Variants in ADAMTS3 observed in about 807,000 individuals in gnomAD.
ADAMTS3 encodes ADAM metallopeptidase with thrombospondin type 1 motif 3, also known as A disintegrin and metalloproteinase with thrombospondin motifs 3.
In ADAMTS3, 73 loss-of-function variants were observed where a neutral mutation model predicts 129.0. The observed-to-expected ratio is 0.57, with a 90% CI of 0.47 to 0.69. The LOEUF (loss-of-function observed/expected upper bound fraction) is 0.69. Ranked by LOEUF, ADAMTS3 falls within the 30% of genes least tolerant of loss-of-function variation. ADAMTS3 has a pLI of 0.00. For synonymous variants in ADAMTS3, 477 were observed against 510.8 expected, an observed-to-expected ratio of 0.93 and a Z score of 0.89; for missense variants, 1,457 against 1,514.5, an observed-to-expected ratio of 0.96 and a Z score of 0.63.
At chr4:72,359,011 A>G (rs556569908) in intron 4 of ADAMTS3, among the ~76,000 whole-genome samples, 1 of 152,108 alleles carries the variant, frequency 6.6e-6, no homozygotes, top group Non-Finnish European at 1.5e-5. Context: ...AAACATAAAC[A>G]AAACAAAGAA....
intron 4 of ADAMTS3, among the ~76,000 whole-genome samples, chr4:72,379,047 T>C (rs1168541523): frequency 6.6e-6 from 1 of 152,134 alleles, no homozygotes; most frequent in African/African-American, 2.4e-5. Context: ...CTGCTTACTC[T>C]CTTCTAGGCC....
chr4:72,315,175 C>T (rs1453920124), intron 11 of ADAMTS3, among the ~76,000 whole-genome samples: 1 of 152,218 alleles, frequency 6.6e-6, no homozygotes, highest in Non-Finnish European at 1.5e-5. Context: ...AATCAGATCC[C>T]ACTACCAGGG....
chr4:72,398,319 G>A (rs1390472258), intron 4 of ADAMTS3, among the ~76,000 whole-genome samples: 4 of 152,128 alleles, frequency 2.6e-5, no homozygotes, highest in African/African-American at 9.7e-5. Flanking sequence ...CACTTTGGGA[G>A]GCCAAGGCAG....
intron 4 of ADAMTS3, among the ~76,000 whole-genome samples, chr4:72,397,967 G>A (rs747044036): frequency 1.3e-5 from 2 of 152,056 alleles, no homozygotes; most frequent in Admixed American, 6.6e-5. Flanking sequence ...CTGCATTGTA[G>A]AAGAAGGAGA....
chr4:72,430,522 A>G (rs1224335311), intron 3 of ADAMTS3, among the ~76,000 whole-genome samples: 1 of 151,988 alleles, frequency 6.6e-6, no homozygotes, highest in Non-Finnish European at 1.5e-5. Flanking sequence ...CAGTCAGTTG[A>G]GCATTCCCAG....
At chr4:72,443,584 G>A (rs1191579985) in intron 3 of ADAMTS3, among the ~76,000 whole-genome samples, 1 of 151,446 alleles carries the variant, frequency 6.6e-6, no homozygotes, top group East Asian at 2.0e-4. Context: ...CTTGTTCACA[G>A]TTAGTTCATC....
chr4:72,364,040 T>G (rs1299413185), intron 4 of ADAMTS3, among the ~76,000 whole-genome samples: 1 of 152,082 alleles, frequency 6.6e-6, no homozygotes, highest in Non-Finnish European at 1.5e-5. Flanking sequence ...ACACATTATT[T>G]TGCATAAGTA....
At chr4:72,381,810 G>A (rs992528188) in intron 4 of ADAMTS3, among the ~76,000 whole-genome samples, 1 of 152,146 alleles carries the variant, frequency 6.6e-6, no homozygotes, top group African/African-American at 2.4e-5. Flanking sequence ...ACCACTTTCT[G>A]AGTTGTCTGG....
chr4:72,505,175 T>C (rs1456120603), intron 3 of ADAMTS3, among the ~76,000 whole-genome samples: 1 of 152,206 alleles, frequency 6.6e-6, no homozygotes, highest in Non-Finnish European at 1.5e-5. Context: ...TCCTTATCAT[T>C]TGGAGATGCT....
chr4:72,406,112 T>C (rs79278444), intron 4 of ADAMTS3, among the ~76,000 whole-genome samples: 1 of 152,064 alleles, frequency 6.6e-6, no homozygotes, highest in Non-Finnish European at 1.5e-5. Flanking sequence ...GTGGGTCCCA[T>C]ACCAGAAGCT....
intron 17 of ADAMTS3, among the ~76,000 whole-genome samples, chr4:72,303,410 C>A (rs1719003032): frequency 6.6e-6 from 1 of 151,848 alleles, no homozygotes; most frequent in Non-Finnish European, 1.5e-5. Flanking sequence ...GAATAAAAAA[C>A]CAAAAAACTA....
intron 3 of ADAMTS3, among the ~76,000 whole-genome samples, chr4:72,507,925 C>T (rs1161163867): frequency 6.6e-6 from 1 of 152,144 alleles, no homozygotes; most frequent in Non-Finnish European, 1.5e-5. Flanking sequence ...CTGTTTACTG[C>T]TTTACATTTA....
intron 3 of ADAMTS3, among the ~76,000 whole-genome samples, chr4:72,461,303 C>G (rs1399112875): frequency 6.6e-6 from 1 of 151,624 alleles, no homozygotes; most frequent in African/African-American, 2.4e-5. Flanking sequence ...AGAGTGGAAT[C>G]ATGAGAAGAA....
At chr4:72,523,502 G>T (rs1297110848) in intron 3 of ADAMTS3, among the ~76,000 whole-genome samples, 4 of 152,014 alleles carry the variant, frequency 2.6e-5, no homozygotes, top group Non-Finnish European at 5.9e-5. Context: ...GAAATACACA[G>T]AAAACTTATT....
chr4:72,353,622 G>T (rs1039666911), intron 4 of ADAMTS3, among the ~76,000 whole-genome samples: 2 of 151,964 alleles, frequency 1.3e-5, no homozygotes, highest in African/African-American at 4.8e-5. Context: ...GCCATCTTCT[G>T]TATCATTCTG....
intron 3 of ADAMTS3, among the ~76,000 whole-genome samples, chr4:72,495,476 T>C (rs1046254057): frequency 2.6e-5 from 4 of 152,148 alleles, no homozygotes; most frequent in African/African-American, 9.7e-5. Context: ...TTACATTTTA[T>C]ATACTATTAG....
At chr4:72,401,085 A>T (rs1466131392) in intron 4 of ADAMTS3, among the ~76,000 whole-genome samples, 2 of 151,832 alleles carry the variant, frequency 1.3e-5, no homozygotes, top group Non-Finnish European at 2.9e-5. Flanking sequence ...TCAGTTCATC[A>T]GTTACACTAG....
chr4:72,439,418 T>C (rs1553914978), intron 3 of ADAMTS3, among the ~76,000 whole-genome samples: 1 of 151,734 alleles, frequency 6.6e-6, no homozygotes. Flanking sequence ...TTATTTCCTT[T>C]TAAATAAAAT....
At chr4:72,531,870 G>C (rs1389920223) in intron 3 of ADAMTS3, among the ~76,000 whole-genome samples, 1 of 152,108 alleles carries the variant, frequency 6.6e-6, no homozygotes, top group African/African-American at 2.4e-5. Context: ...TATGCTGCCA[G>C]AACATAGCCT....
Sources: allele counts gnomAD v4.1 joint callset (sites outside exome capture counted in the v4.1 genomes callset), GRCh38; gene constraint gnomAD v4.1.1; transcripts MANE v1.5; gene names NCBI Gene and HGNC (gene_info 2026-07-23, HGNC 2026-07-21).